Variants in ING1 observed in about 807,000 individuals in gnomAD.
The protein encoded by ING1 is inhibitor of growth family member 1, also known as inhibitor of growth protein 1.
Under a neutral mutation model 23.1 loss-of-function variants are expected in ING1, and 4 were observed. That is an observed-to-expected ratio of 0.17 (90% CI 0.09 to 0.40). The LOEUF (loss-of-function observed/expected upper bound fraction) is 0.40, where lower values mean the gene tolerates loss of function less well. Among genes scored for constraint, ING1 ranks in the 10% least tolerant of loss-of-function variants. The pLI, the probability that ING1 is intolerant of heterozygous loss-of-function variation, is 1.00. For missense variants in ING1, 256 were observed against 393.8 expected (o/e 0.65, Z 2.96); for synonymous variants, 179 against 166.4 (o/e 1.08, Z -0.58).
At chr13:110,717,769 G>A (rs1241586996) in intron 1 of ING1, among the ~76,000 whole-genome samples, 9 of 152,178 alleles carry the variant, frequency 5.9e-5, no homozygotes, top group Admixed American at 5.2e-4. Flanking sequence ...AGGTTGCAGT[G>A]AGCTGAGATC....
chr13:110,712,886 C>T, upstream of ING1: 1 of 1,422,412 alleles, frequency 7.0e-7, no homozygotes, highest in Non-Finnish European at 9.7e-7. Flanking sequence ...AAACTGAGTA[C>T]CGGGAGACGA....
In ING1 at chr13:110,721,017, T is replaced by C. The variant is rs1025437993; in HGVS notation, c.*1085T>C. ...TGTCAAGTTCAGCCCACCATCTGTTTGAAGATTATATGAAGTTTAAATTCT... is the reference window on the plus strand; with the variant it reads ...TGTCAAGTTCAGCCCACCATCTGTTCGAAGATTATATGAAGTTTAAATTCT... On this transcript the variant is annotated 3_prime_UTR_variant, in exon 2 of 2. Transcript: ENST00000333219. 6.0e-6 allele frequency: 1 copy of C among 167,134 alleles called. No individual in the cohort carries two copies. Among genetic ancestry groups the C allele is most frequent in the Non-Finnish European group, 1.5e-5 (1 of 68,128 alleles). 10.4% of individuals were successfully genotyped at this position (167,134 alleles called of 1,614,324 possible). A position where few individuals can be genotyped will look rare whatever the true frequency, so the allele number is the denominator to read the frequency against.
At position 110,715,847 on chromosome 13, in the gene ING1, T is replaced by C. The variant is rs752586956; in HGVS notation, c.136+1562T>C. ...CTCTCCCCGCTCAGCCCGGCCACTT[T>C]CGGGCGCGGATTTATAGCAGTAGCA... On this transcript the variant is annotated intron_variant, in intron 1 of 1. Transcript: ENST00000333219. 2.4e-5 allele frequency: 38 copies of C among 1,593,788 alleles called. No individual in the cohort carries two copies. The Middle Eastern group carries it at 1.1e-3, about 44-fold the overall frequency.
chr13:110,719,122 C>A lies in ING1; in HGVS notation c.137-107C>A. ...TGGGCTTTGTTCTGGGCAAGCCGTG[C>A]GCTGGCCCCTAGGCTCCCTGCCAGC... On this transcript the variant is annotated intron_variant, in intron 1 of 1. Coordinates refer to ENST00000333219, the MANE Select transcript of ING1 (RefSeq NM_198219.3). This position sits in a 1 kb window ranked among gnomAD's most constrained non-coding sequence, Gnocchi z 8.9. 1 of 1,050,788 alleles carries A rather than the reference C, an allele frequency of 9.5e-7. No individual in the cohort carries two copies. Among genetic ancestry groups the A allele is most frequent in the Non-Finnish European group, 1.4e-6 (1 of 722,028 alleles). 65.1% of individuals were successfully genotyped at this position (1,050,788 alleles called of 1,614,324 possible).
upstream of ING1, chr13:110,712,811 C>T: frequency 3.7e-6 from 3 of 816,932 alleles, no homozygotes; most frequent in Non-Finnish European, 6.1e-6. Flanking sequence ...GCCTATCCAC[C>T]TCTTCTGGGG....
chr13:110,715,940 C>T, intron 1 of ING1: 1 of 1,553,286 alleles, frequency 6.4e-7, no homozygotes. Flanking sequence ...CCCGCGGGGC[C>T]GGCTCGGAGA....
Position 110,720,857 on chromosome 13 carries a change from G to A in ING1, c.*925G>A, listed in dbSNP as rs2064166507. On this transcript the variant is annotated 3_prime_UTR_variant, in exon 2 of 2. Coordinates refer to ENST00000333219, the MANE Select transcript of ING1 (RefSeq NM_198219.3). ...TTTATACACCAGCAATTTAGACAAA[G>A]CCTTAAGCAAATTTTGTATTATTGT... is the stretch of plus-strand genomic sequence containing the variant. The A allele has an allele frequency of 6.0e-6, 1 of 167,058 alleles. No individual in the cohort carries two copies. The highest frequency in any genetic ancestry group is 2.4e-5 in the African/African-American group (1 of 41,434). The allele number at this position is 167,058 out of a possible 1,614,324, so 10.3% of individuals were successfully genotyped here.
At chr13:110,717,997 A>G (rs1304025983) in intron 1 of ING1, among the ~76,000 whole-genome samples, 1 of 152,176 alleles carries the variant, frequency 6.6e-6, no homozygotes, top group African/African-American at 2.4e-5. Context: ...CTTCAACTAG[A>G]TTTTTTAATA....
rs996583138 is a variant in ING1 at position 110,720,478 on chromosome 13, G to A, written c.*546G>A. ...TGACAGATATTTTATCTATTGGCCTGTTCCCCAAATGGCCATTTTAAAATG... is the reference window on the plus strand; with the variant it reads ...TGACAGATATTTTATCTATTGGCCTATTCCCCAAATGGCCATTTTAAAATG... On this transcript the variant is annotated 3_prime_UTR_variant, in exon 2 of 2. Transcript: ENST00000333219. 3 of 167,040 alleles carry A rather than the reference G, an allele frequency of 1.8e-5. No homozygotes were observed. Among genetic ancestry groups the A allele is most frequent in the African/African-American group, 2.4e-5 (1 of 41,432 alleles). 10.3% of individuals were successfully genotyped at this position (167,040 alleles called of 1,614,324 possible).
At chr13:110,715,597 G>A (rs774161305) in intron 1 of ING1, 9 of 1,614,050 alleles carry the variant, frequency 5.6e-6, no homozygotes, top group Non-Finnish European at 5.9e-6. Context: ...GGGTGGACGA[G>A]TTGATTTGAA....
chr13:110,712,757 A>G (rs12875067), upstream of ING1: 491,939 of 703,400 alleles, frequency 0.7, 176,074 homozygotes, highest in East Asian at 0.78. Context: ...GGTGTCCATG[A>G]CACAGGGCGG....
At chr13:110,712,771 G>A (rs1315001130), upstream of ING1, 2 of 710,470 alleles carry the variant, frequency 2.8e-6, no homozygotes, top group East Asian at 5.4e-5. Flanking sequence ...AGGGCGGGAA[G>A]AGATAAGGCC....
At position 110,713,901 on chromosome 13, in the gene ING1, G is replaced by C; in HGVS notation, c.-249G>C. 1.0e-6 allele frequency: 1 copy of C among 980,550 alleles called. No homozygotes were observed. Among genetic ancestry groups the C allele is most frequent in the Non-Finnish European group, 1.2e-6 (1 of 828,724 alleles). The allele number at this position is 980,550 out of a possible 1,614,324, so 60.7% of individuals were successfully genotyped here. On this transcript the variant is annotated 5_prime_UTR_variant, in exon 1 of 2. Transcript: ENST00000333219. ...CCCCGCCGCCTGAGAGGGGGCCTGC[G>C]CCGCCGGCCGGGGCGTGCGCCCGGG... is the stretch of plus-strand genomic sequence containing the variant.
At position 110,719,454 on chromosome 13, in the gene ING1, A is replaced by G. The variant is rs1404798894; in HGVS notation, c.362A>G (p.Asp121Gly). The change falls in exon 2 of 2, where the codon GAC becomes GGC. Residue 121 changes from aspartate to glycine, a missense_variant. Physicochemically the swap from Asp to Gly is moderately conservative, Grantham distance 94. Transcript: ENST00000333219. This position sits in a 1 kb window ranked among gnomAD's most constrained non-coding sequence, Gnocchi z 8.9. The stretch of plus-strand genomic sequence containing the variant: ...TTCGAGGCGCAGCAGGAGCTGGGCG[A>G]CACAGCGGGCAACAGCGGCAAGGCT... ...ELFEAQQELG[D>G]TAGNSGKAGA... The G allele has an allele frequency of 6.2e-7, 1 of 1,612,846 alleles. No homozygotes were observed. The highest frequency in any genetic ancestry group is 8.5e-7 in the Non-Finnish European group (1 of 1,179,608).
At chr13:110,715,710 T>C in intron 1 of ING1, 2 of 1,591,824 alleles carry the variant, frequency 1.3e-6, no homozygotes, top group Non-Finnish European at 1.7e-6. Context: ...CCTCCTGGCC[T>C]CCGCCCTCCA....
At position 110,719,594 on chromosome 13, in the gene ING1, C is replaced by A. The variant is rs372262720; in HGVS notation, c.502C>A (p.His168Asn). ...NRENASSNHD[H>N]DDGASGTPKE... ...TGAGAACGCGTCCAGCAACCACGACCACGACGACGGCGCCTCGGGCACACC... is the reference window on the plus strand; with the variant it reads ...TGAGAACGCGTCCAGCAACCACGACAACGACGACGGCGCCTCGGGCACACC... Residue 168 changes from histidine (H) to asparagine (N), a missense_variant, in exon 2 of 2, where the codon CAC (histidine) becomes AAC (asparagine). Coordinates refer to ENST00000333219, the MANE Select transcript of ING1 (RefSeq NM_198219.3). The surrounding 1 kb of genome is among the most constrained non-coding windows in gnomAD (Gnocchi z 8.9). The A allele has an allele frequency of 2.9e-5, 47 of 1,611,376 alleles. No individual in the cohort carries two copies. The highest frequency in any genetic ancestry group is 3.6e-5 in the Non-Finnish European group (43 of 1,179,362).
At chr13:110,714,632 T>C (rs1566377963) in intron 1 of ING1, among the ~76,000 whole-genome samples, 1 of 151,260 alleles carries the variant, frequency 6.6e-6, no homozygotes, top group African/African-American at 2.4e-5. Flanking sequence ...CGGCGCGAGA[T>C]GGAGGGATGT....
intron 1 of ING1, chr13:110,715,579 G>T (rs746330040): frequency 1.2e-6 from 2 of 1,614,102 alleles, no homozygotes; most frequent in South Asian, 2.2e-5. Flanking sequence ...GGGGAGGAGC[G>T]GGGTGGAGGG....
chr13:110,715,301 C>T, intron 1 of ING1: 2 of 1,383,830 alleles, frequency 1.4e-6, no homozygotes, highest in Non-Finnish European at 9.3e-7. Context: ...AAATTGACCG[C>T]TATCCCCGAA....
Sources: allele counts gnomAD v4.1 joint callset (sites outside exome capture counted in the v4.1 genomes callset), GRCh38; gene constraint gnomAD v4.1.1; non-coding constraint Gnocchi (gnomAD v3.1); transcripts MANE v1.5; gene names NCBI Gene and HGNC (gene_info 2026-07-23, HGNC 2026-07-21).